The following VDAC1 variants were observed in gnomAD, a reference collection of about 807,000 sequenced individuals.
VDAC1 encodes the protein non-selective voltage-gated ion channel VDAC1.
In VDAC1, 10 loss-of-function variants were observed where a neutral mutation model predicts 34.7. The observed-to-expected ratio is 0.29, with a 90% CI of 0.18 to 0.49. VDAC1 has a LOEUF of 0.49. Among genes scored for constraint, VDAC1 ranks in the 20% least tolerant of loss-of-function variants. The pLI is 0.99. For synonymous variants in VDAC1, 130 were observed against 136.0 expected (o/e 0.96, Z 0.30); for missense variants, 230 against 347.9 (o/e 0.66, Z 2.69).
the VDAC1 span, among the ~76,000 whole-genome samples, chr5:134,111,064 C>T: frequency 1.3e-5 from 2 of 152,320 alleles, no homozygotes; most frequent in African/African-American, 2.4e-5. Flanking sequence ...TGGTTCATCT[C>T]GACTGCACTC....
chr5:133,996,012 A>AC (rs1420962634), intron 1 of VDAC1, among the ~76,000 whole-genome samples: 3 of 150,834 alleles, frequency 2.0e-5, no homozygotes, highest in East Asian at 3.9e-4. Flanking sequence ...TGCAGCATCC[A>AC]CCCCCCAGGG....
At chr5:134,067,360 C>T in the VDAC1 span, among the ~76,000 whole-genome samples, 1 of 148,206 alleles carries the variant, frequency 6.7e-6, no homozygotes, top group African/African-American at 2.5e-5. Flanking sequence ...CAGGTGTGAG[C>T]CACCGCTCCC....
At chr5:134,027,660 A>C in the VDAC1 span, among the ~76,000 whole-genome samples, 1 of 151,114 alleles carries the variant, frequency 6.6e-6, no homozygotes. Flanking sequence ...CACAACCAAC[A>C]CTAACTTTCA....
chr5:133,991,852 T>C (rs1053582941), intron 3 of VDAC1, among the ~76,000 whole-genome samples: 4 of 152,146 alleles, frequency 2.6e-5, no homozygotes, highest in Admixed American at 6.5e-5. Flanking sequence ...ATTTGGGTAA[T>C]GGGTACACTA....
At chr5:134,103,366 G>A in the VDAC1 span, among the ~76,000 whole-genome samples, 5 of 152,078 alleles carry the variant, frequency 3.3e-5, no homozygotes, top group Admixed American at 6.5e-5. Flanking sequence ...CAAGTGATCC[G>A]GCCACCTCGG....
the VDAC1 span, among the ~76,000 whole-genome samples, chr5:134,065,789 A>ATTTTTTTT: frequency 8.0e-5 from 8 of 99,846 alleles, no homozygotes; most frequent in East Asian, 3.0e-4. Flanking sequence ...CAGATAGTAA[A>ATTTTTTTT]TTTTTTTTTT....
the VDAC1 span, among the ~76,000 whole-genome samples, chr5:134,045,361 C>G: frequency 1.3e-5 from 2 of 152,182 alleles, no homozygotes; most frequent in East Asian, 3.9e-4. Flanking sequence ...CTTAAAACAG[C>G]AAAATGTCTT....
At chr5:134,022,169 G>C in the VDAC1 span, among the ~76,000 whole-genome samples, 1 of 152,318 alleles carries the variant, frequency 6.6e-6, no homozygotes, top group Admixed American at 6.5e-5. Flanking sequence ...GTGAGCCACT[G>C]TGCCCAGCTG....
At chr5:133,977,139 T>C (rs1168794279) in intron 6 of VDAC1, among the ~76,000 whole-genome samples, 1 of 152,214 alleles carries the variant, frequency 6.6e-6, no homozygotes, top group East Asian at 1.9e-4. Flanking sequence ...GCTGCACATA[T>C]GCCTCAGAAG....
chr5:134,038,932 G>GTGTCTATCATTGAGATAGACACAAAATGT, the VDAC1 span, among the ~76,000 whole-genome samples: 1 of 149,370 alleles, frequency 6.7e-6, no homozygotes, highest in Admixed American at 6.7e-5. Context: ...ACACAAAATG[G>GTGTCTATCATTGAGATAGACACAAAATGT]GCCCATAGAG....
At chr5:133,982,372 C>T (rs934220676) in intron 5 of VDAC1, among the ~76,000 whole-genome samples, 2 of 151,250 alleles carry the variant, frequency 1.3e-5, no homozygotes, top group Non-Finnish European at 2.9e-5. Flanking sequence ...ATTAGCTGGG[C>T]GCGGTGGTGG....
the VDAC1 span, among the ~76,000 whole-genome samples, chr5:134,058,185 G>A: frequency 2.0e-5 from 3 of 152,288 alleles, no homozygotes; most frequent in African/African-American, 7.2e-5. Flanking sequence ...ACCACGCCCA[G>A]TTGCTTCTCA....
intron 1 of VDAC1, among the ~76,000 whole-genome samples, chr5:133,996,606 A>T (rs1460944867): frequency 7.0e-6 from 1 of 143,732 alleles, no homozygotes; most frequent in Non-Finnish European, 1.5e-5. Context: ...CTTTGAATTC[A>T]AAGCACCCCA....
the VDAC1 span, among the ~76,000 whole-genome samples, chr5:134,079,607 A>G: frequency 0.47 from 72,149 of 152,050 alleles, 17,501 homozygotes; most frequent in Non-Finnish European, 0.52. Context: ...TTTTGGGACA[A>G]GTTGCATTTC....
intron 6 of VDAC1, among the ~76,000 whole-genome samples, chr5:133,979,423 G>GATTTTTTTTTTTTTTT (rs1561583199): frequency 1.7e-5 from 1 of 59,288 alleles, no homozygotes; most frequent in African/African-American, 5.0e-5. Flanking sequence ...TATTTTCTTT[G>GATTTTTTTTTTTTTTT]CTTTTTTTTT....
rs140599308 is a variant in VDAC1 at position 133,976,382 on chromosome 5, G to A, written c.552-361C>T. On this transcript the variant is annotated intron_variant, in intron 6 of 8. Transcript: ENST00000265333. ...TTGACCGGGCTGGTGCCATACGCCT[G>A]TAATCCCAGCTACTCAAGAGGCTGA... 467 of 186,486 alleles carry A rather than the reference G, an allele frequency of 2.5e-3. 1 individual carries two copies. The highest frequency in any genetic ancestry group is 3.4e-3 in the Non-Finnish European group (297 of 88,594). 11.6% of individuals were successfully genotyped at this position (186,486 alleles called of 1,614,324 possible). A position where few individuals can be genotyped will look rare whatever the true frequency, so the allele number is the denominator to read the frequency against.
At chr5:133,987,309 C>T (rs1256957909) in intron 5 of VDAC1, among the ~76,000 whole-genome samples, 5 of 151,218 alleles carry the variant, frequency 3.3e-5, no homozygotes, top group Admixed American at 1.3e-4. Flanking sequence ...TGCAATGAGC[C>T]GAGATCATAC....
Position 133,991,165 on chromosome 5 carries a change from G to A in VDAC1, c.118-11C>T, listed in dbSNP as rs774482810. 4.4e-6 allele frequency: 7 copies of A among 1,607,762 alleles called. No homozygotes were observed. The highest frequency in any genetic ancestry group is 1.7e-5 in the Admixed American group (1 of 60,018). ...TGAGCTTGTAAATTCCTTCAAAGGAGAGAGAAGAGTCACAGCCTGCACCAT... is the reference window on the plus strand; with the variant it reads ...TGAGCTTGTAAATTCCTTCAAAGGAAAGAGAAGAGTCACAGCCTGCACCAT... On this transcript the variant is annotated splice_polypyrimidine_tract_variant and intron_variant, in intron 3 of 8. Transcript: ENST00000265333.
At chr5:134,068,966 CTGTGTGTGTGTGTGTGTG>C in the VDAC1 span, among the ~76,000 whole-genome samples, 5 of 136,690 alleles carry the variant, frequency 3.7e-5, no homozygotes, top group South Asian at 2.5e-4. Flanking sequence ...TGGGAGGTGA[CTGTGTGTGTGTGTGTGTG>C]TGTGTGTGTG....
Sources: allele counts gnomAD v4.1 joint callset (sites outside exome capture counted in the v4.1 genomes callset), GRCh38; gene constraint gnomAD v4.1.1; transcripts MANE v1.5; gene names NCBI Gene and HGNC (gene_info 2026-07-23, HGNC 2026-07-21).